The following PPFIA3 variants were observed in gnomAD, a reference collection of about 807,000 sequenced individuals.
PPFIA3 encodes PPFI scaffold protein A3.
PPFIA3 carries 26 observed loss-of-function variants against 145.8 expected under a neutral mutation model. The observed-to-expected ratio is 0.18, with a 90% CI of 0.13 to 0.25. PPFIA3 has a LOEUF of 0.25. Ranked by LOEUF, PPFIA3 falls within the 10% of genes least tolerant of loss-of-function variation. The pLI is 1.00. For missense variants in PPFIA3, 1,008 were observed against 1,587.8 expected, an observed-to-expected ratio of 0.63 and a Z score of 6.21; for synonymous variants, 645 against 661.4, an observed-to-expected ratio of 0.98 and a Z score of 0.38.
intron 1 of PPFIA3, among the ~76,000 whole-genome samples, chr19:49,122,941 TC>T (rs2040954743): frequency 6.6e-6 from 1 of 151,408 alleles, no homozygotes; most frequent in Non-Finnish European, 1.5e-5. Flanking sequence ...CAGGATGGTC[TC>T]TATCTGTTAA....
In PPFIA3 at chr19:49,134,850, C is replaced by G; in HGVS notation, c.1455C>G (p.Ala485=). Residue 485 remains alanine (A), a synonymous_variant, in exon 13 of 30, where the codon GCC becomes GCG. Coordinates refer to ENST00000334186, the MANE Select transcript of PPFIA3 (RefSeq NM_003660.4). The part of the protein sequence containing the change: ...ELLLNKEQLL[A]EMERMQMEID... ...CCGGCCCCCAGGAGCAGCTCTTGGC[C>G]GAAATGGAGCGGATGCAGATGGAGA... is the stretch of plus-strand genomic sequence containing the variant. 6.3e-7 allele frequency: 1 copy of G among 1,596,958 alleles called. No homozygotes were observed. The highest frequency in any genetic ancestry group is 2.2e-5 in the East Asian group (1 of 44,686).
Position 49,149,248 on chromosome 19 carries a change from T to G in PPFIA3, c.3286-9T>G, listed in dbSNP as rs1251175288. On this transcript the variant is annotated splice_polypyrimidine_tract_variant and intron_variant, in intron 26 of 29. Coordinates refer to ENST00000334186, the MANE Select transcript of PPFIA3 (RefSeq NM_003660.4). This position sits in a 1 kb window ranked among gnomAD's most constrained non-coding sequence, Gnocchi z 5.7. ...CGCTCCAACCGCCCCCTCCACCTCCTCTTTCCAGGCCCGGCAGCTTCTGGA... is the reference window on the plus strand; with the variant it reads ...CGCTCCAACCGCCCCCTCCACCTCCGCTTTCCAGGCCCGGCAGCTTCTGGA... 2 of 1,614,030 alleles carry G rather than the reference T, an allele frequency of 1.2e-6. No individual in the cohort carries two copies. Among genetic ancestry groups the G allele is most frequent in the Non-Finnish European group, 1.7e-6 (2 of 1,180,028 alleles).
chr19:49,136,445 C>T lies in PPFIA3; in HGVS notation c.1666-279C>T, dbSNP rs117960538. 8.1e-3 allele frequency among the ~76,000 whole-genome samples: 1,235 copies of T among 152,248 alleles called. 4 individuals are homozygous for T. The highest frequency in any genetic ancestry group is 0.013 in the Non-Finnish European group (918 of 68,018). Reference sequence around the variant, plus strand: ...CGCTACTAAAAATGCAAAAATTAGCCGGGCGTGGTAGCGGGCGCCTGTAAT... The same window carrying T: ...CGCTACTAAAAATGCAAAAATTAGCTGGGCGTGGTAGCGGGCGCCTGTAAT... On this transcript the variant is annotated intron_variant, in intron 14 of 29. Coordinates refer to ENST00000334186, the MANE Select transcript of PPFIA3 (RefSeq NM_003660.4).
chr19:49,140,626 C>T (rs1466377040), intron 18 of PPFIA3, among the ~76,000 whole-genome samples: 2 of 133,252 alleles, frequency 1.5e-5, no homozygotes, highest in Non-Finnish European at 3.1e-5. Flanking sequence ...GCTGGGATTA[C>T]AGACTCATTT....
chr19:49,136,417 C>T (rs2041137644), intron 14 of PPFIA3, among the ~76,000 whole-genome samples: 2 of 152,104 alleles, frequency 1.3e-5, no homozygotes, highest in South Asian at 4.1e-4. Context: ...GCCAAAATGG[C>T]ATCGCTACTA....
chr19:49,137,565 G>T (rs1469776467), intron 15 of PPFIA3, among the ~76,000 whole-genome samples: 2 of 146,160 alleles, frequency 1.4e-5, no homozygotes, highest in Non-Finnish European at 3.0e-5. Flanking sequence ...GGGAGGCGGA[G>T]CTTGCAGTGA....
chr19:49,130,511 G>T lies in PPFIA3; in HGVS notation c.791G>T (p.Ser264Ile). 6.3e-7 allele frequency: 1 copy of T among 1,594,420 alleles called. No individual in the cohort carries two copies. Among genetic ancestry groups the T allele is most frequent in the African/African-American group, 1.3e-5 (1 of 74,832 alleles). Residue 264 changes from serine (S) to isoleucine (I), a missense_variant, in exon 7 of 30, where the codon AGC becomes ATC. Physicochemically the swap from Ser to Ile is moderately radical, Grantham distance 142 (BLOSUM62 -2). This residue lies in a region of PPFIA3 where 136 missense variants were observed against 160.7 expected (regional missense o/e 0.85). Transcript: ENST00000334186. This position sits in a 1 kb window ranked among gnomAD's most constrained non-coding sequence, Gnocchi z 4.5. ...ERLAVLCRQM[S>I]QLEEELGTAH... ...CTGGCGGTGCTGTGCCGTCAGATGA[G>T]CCAGCTGGAGGAGGAGTTGGGCACC...
chr19:49,132,676 C>T (rs906507921), intron 7 of PPFIA3, among the ~76,000 whole-genome samples: 1 of 152,100 alleles, frequency 6.6e-6, no homozygotes, highest in Admixed American at 6.5e-5. Flanking sequence ...TGCTCTATGC[C>T]AGAAATTAGT....
At chr19:49,144,012 T>C (rs2041253932) in intron 21 of PPFIA3, among the ~76,000 whole-genome samples, 2 of 106,714 alleles carry the variant, frequency 1.9e-5, no homozygotes, top group Admixed American at 1.8e-4. Context: ...TTATTTTTAT[T>C]TTATTTTTTC....
intron 16 of PPFIA3, 113 bp downstream of exon 16, chr19:49,138,540 C>T: frequency 1.1e-6 from 1 of 879,852 alleles, no homozygotes. Context: ...TCCAAAGCAA[C>T]CTCAGCTTTC....
At chr19:49,132,082 G>A (rs1036605604) in intron 7 of PPFIA3, among the ~76,000 whole-genome samples, 1 of 150,060 alleles carries the variant, frequency 6.7e-6, no homozygotes, top group Non-Finnish European at 1.5e-5. Context: ...GCAGTAAGCC[G>A]AGATCCGTAC....
intron 1 of PPFIA3, among the ~76,000 whole-genome samples, chr19:49,124,042 A>G (rs2040967884): frequency 6.6e-6 from 1 of 151,898 alleles, no homozygotes; most frequent in Non-Finnish European, 1.5e-5. Flanking sequence ...AATTCTCAAC[A>G]TGCATCCTTT....
intron 16 of PPFIA3, among the ~76,000 whole-genome samples, chr19:49,138,988 C>T (rs939500863): frequency 1.3e-5 from 2 of 151,154 alleles, no homozygotes; most frequent in Non-Finnish European, 2.9e-5. Context: ...AAAAAAGTTT[C>T]TGTGACAACA....
Position 49,149,973 on chromosome 19 carries a change from C to T in PPFIA3, c.3527-107C>T. On this transcript the variant is annotated intron_variant, in intron 28 of 29. Coordinates refer to ENST00000334186, the MANE Select transcript of PPFIA3 (RefSeq NM_003660.4). This position sits in a 1 kb window ranked among gnomAD's most constrained non-coding sequence, Gnocchi z 5.7. ...GGAAGGGAGGGAAACCCATGTGGAG[C>T]CCGGCGATCGTTGTGACATCGGGAA... 7.4e-7 allele frequency: 1 copy of T among 1,351,824 alleles called. No individual in the cohort carries two copies. The highest frequency in any genetic ancestry group is 2.5e-5 in the East Asian group (1 of 40,022). 83.7% of individuals were successfully genotyped at this position (1,351,824 alleles called of 1,614,324 possible).
At chr19:49,147,460 C>T (rs975136821) in intron 23 of PPFIA3, among the ~76,000 whole-genome samples, 21 of 152,024 alleles carry the variant, frequency 1.4e-4, no homozygotes, top group African/African-American at 5.1e-4. Context: ...CTGAGGTGGG[C>T]GGATCCCTTG....
chr19:49,130,495 C>A lies in PPFIA3; in HGVS notation c.775C>A (p.Leu259Met). Residue 259 changes from leucine to methionine, a missense_variant, in exon 7 of 30, where the codon CTG becomes ATG. Physicochemically the swap from Leu to Met is conservative, Grantham distance 15 (BLOSUM62 2). Coordinates refer to ENST00000334186, the MANE Select transcript of PPFIA3 (RefSeq NM_003660.4). This position sits in a 1 kb window ranked among gnomAD's most constrained non-coding sequence, Gnocchi z 4.5. ...CCAGCTGCGGGAGCGCCTGGCGGTG[C>A]TGTGCCGTCAGATGAGCCAGCTGGA... ...VCQLRERLAV[L>M]CRQMSQLEEE... 1 of 1,600,038 alleles carries A rather than the reference C, an allele frequency of 6.2e-7. No homozygotes were observed. The highest frequency in any genetic ancestry group is 8.5e-7 in the Non-Finnish European group (1 of 1,174,202).
Position 49,140,036 on chromosome 19 carries a change from C to T in PPFIA3, c.2316C>T (p.Gly772=), listed in dbSNP as rs1024139549. 6.2e-7 allele frequency: 1 copy of T among 1,614,056 alleles called. No homozygotes were observed. Residue 772 remains glycine (G), a synonymous_variant, in exon 18 of 30, where the codon GGC becomes GGT. Coordinates refer to ENST00000334186, the MANE Select transcript of PPFIA3 (RefSeq NM_003660.4). ...SIKSSIGRLF[G]KKEKGRMGPP... is the part of the protein sequence containing the mutation. ...AGTCATCCATAGGCCGTCTCTTTGGCAAGAAAGAGAAGGGACGAATGGGAC... is the reference window on the plus strand; with the variant it reads ...AGTCATCCATAGGCCGTCTCTTTGGTAAGAAAGAGAAGGGACGAATGGGAC...
chr19:49,129,019 G>A lies in PPFIA3; in HGVS notation c.507+7G>A. ...CAAGGCCCTGGATGAGAAGGTATGA[G>A]AATTAGAAGAGCAGGGGTGGAGAAT... On this transcript the variant is annotated splice_region_variant and intron_variant, in intron 4 of 29. Transcript: ENST00000334186. 6.3e-7 allele frequency: 1 copy of A among 1,579,746 alleles called. No homozygotes were observed. Among genetic ancestry groups the A allele is most frequent in the Non-Finnish European group, 8.6e-7 (1 of 1,160,876 alleles).
At chr19:49,139,323 C>G (rs374599801) in intron 16 of PPFIA3, among the ~76,000 whole-genome samples, 1 of 111,940 alleles carries the variant, frequency 8.9e-6, no homozygotes, top group Admixed American at 9.3e-5. Flanking sequence ...GACTCTGTCT[C>G]AAAAAAAAAA....
Sources: allele counts gnomAD v4.1 joint callset (sites outside exome capture counted in the v4.1 genomes callset), GRCh38; gene constraint gnomAD v4.1.1; regional missense constraint gnomAD v4.1.1; non-coding constraint Gnocchi (gnomAD v3.1); transcripts MANE v1.5; gene names NCBI Gene and HGNC (gene_info 2026-07-23, HGNC 2026-07-21).